ANKH: variants seen among roughly 807,000 people sequenced by gnomAD.
ANKH encodes the protein mineralization regulator ANKH.
A neutral mutation model predicts 49.0 loss-of-function variants in ANKH; 15 were observed. That is an observed-to-expected ratio of 0.31 (90% confidence interval 0.20 to 0.47). The LOEUF (loss-of-function observed/expected upper bound fraction) is 0.47. Among genes scored for constraint, ANKH ranks in the 20% least tolerant of loss-of-function variants. The pLI, the probability that ANKH is intolerant of heterozygous loss-of-function variation, is 1.00. For missense variants in ANKH, 429 were observed against 652.0 expected, an observed-to-expected ratio of 0.66 and a Z score of 3.72; for synonymous variants, 273 against 260.0, an observed-to-expected ratio of 1.05 and a Z score of -0.48.
intron 11 of ANKH, among the ~76,000 whole-genome samples, chr5:14,712,217 C>T (rs953383511): frequency 6.6e-6 from 1 of 152,234 alleles, no homozygotes. Context: ...ATGCACGTCA[C>T]GCACCGTGAG....
intron 8 of ANKH, among the ~76,000 whole-genome samples, chr5:14,723,996 G>A (rs530920213): frequency 3.2e-4 from 49 of 152,258 alleles, no homozygotes; most frequent in African/African-American, 9.4e-4. Flanking sequence ...TGAGCCTAAC[G>A]TTGATGATGA....
intron 8 of ANKH, among the ~76,000 whole-genome samples, chr5:14,728,225 T>C (rs1283809578): frequency 2.0e-5 from 3 of 152,254 alleles, no homozygotes; most frequent in Non-Finnish European, 4.4e-5. Context: ...AGATGCCTTA[T>C]TAGCTGAGGA....
rs775412526 is a variant in ANKH, at chr5:14,712,871, C to T, written c.1365+3G>A. 6.2e-7 allele frequency: 1 copy of T among 1,605,666 alleles called. No individual in the cohort carries two copies. Among genetic ancestry groups the T allele is most frequent in the Non-Finnish European group, 8.5e-7 (1 of 1,176,712 alleles). On this transcript the variant is annotated splice_donor_region_variant and intron_variant, in intron 11 of 11. Coordinates refer to ENST00000284268, the MANE Select transcript of ANKH (RefSeq NM_054027.6). ...GAGGAGGCTCCCGGCGCGGCTGTCT[C>T]ACCTGCTTCCGGTAGACATAGCACG... is the stretch of plus-strand genomic sequence containing the variant.
intron 1 of ANKH, among the ~76,000 whole-genome samples, chr5:14,823,186 C>A (rs1365966193): frequency 6.6e-6 from 1 of 152,168 alleles, no homozygotes; most frequent in Non-Finnish European, 1.5e-5. Context: ...AAAGTGTGAA[C>A]TTCAGTGTTT....
At chr5:14,744,699 C>T (rs536385503) in intron 7 of ANKH, among the ~76,000 whole-genome samples, 1 of 152,340 alleles carries the variant, frequency 6.6e-6, no homozygotes, top group Non-Finnish European at 1.5e-5. Context: ...TCAGAGATGC[C>T]TGGGGGGATG....
intron 1 of ANKH, among the ~76,000 whole-genome samples, chr5:14,834,900 A>G (rs759424756): frequency 6.6e-6 from 1 of 152,238 alleles, no homozygotes; most frequent in Non-Finnish European, 1.5e-5. Flanking sequence ...TTCGTGAATT[A>G]ATAGACTTAT....
chr5:14,806,332 A>G (rs1382009301), intron 1 of ANKH, among the ~76,000 whole-genome samples: 1 of 151,740 alleles, frequency 6.6e-6, no homozygotes, highest in African/African-American at 2.4e-5. Flanking sequence ...AAAAAAAAAA[A>G]ATACCCAATC....
chr5:14,781,298 C>T (rs963173274), intron 1 of ANKH, among the ~76,000 whole-genome samples: 4 of 152,218 alleles, frequency 2.6e-5, no homozygotes, highest in Non-Finnish European at 5.9e-5. Flanking sequence ...GAGCAGCAGT[C>T]AAACGGAACC....
chr5:14,706,257 C>T lies in ANKH; in HGVS notation c.*4940G>A, dbSNP rs1736942962. The T allele has an allele frequency of 6.6e-6, 1 of 152,138 alleles. No individual in the cohort carries two copies. The highest frequency in any genetic ancestry group is 2.4e-5 in the African/African-American group (1 of 41,420). 9.4% of individuals were successfully genotyped at this position (152,138 alleles called of 1,614,324 possible). A position where few individuals can be genotyped will look rare whatever the true frequency, so the allele number is the denominator to read the frequency against. ...TGAATCTATGTGTAGCTGACAGCCACCTATAAAAGTGCATATATCTTATGC... is the reference window on the plus strand; with the variant it reads ...TGAATCTATGTGTAGCTGACAGCCATCTATAAAAGTGCATATATCTTATGC... On this transcript the variant is annotated 3_prime_UTR_variant, in exon 12 of 12. Transcript: ENST00000284268.
At chr5:14,836,267 G>A (rs1741649883) in intron 1 of ANKH, among the ~76,000 whole-genome samples, 1 of 152,166 alleles carries the variant, frequency 6.6e-6, no homozygotes, top group Non-Finnish European at 1.5e-5. Context: ...GTTCTGGCCA[G>A]AGCAATCAGG....
At chr5:14,729,685 G>A (rs973682437) in intron 8 of ANKH, among the ~76,000 whole-genome samples, 4 of 152,006 alleles carry the variant, frequency 2.6e-5, no homozygotes, top group African/African-American at 4.8e-5. Context: ...TACTGAAACC[G>A]TCTGTGACCT....
intron 1 of ANKH, among the ~76,000 whole-genome samples, chr5:14,803,851 T>C (rs1740630330): frequency 6.6e-6 from 1 of 152,194 alleles, no homozygotes; most frequent in African/African-American, 2.4e-5. Context: ...CTTTATCATT[T>C]GGTCCTGTGA....
chr5:14,736,313 G>T (rs893213737), intron 8 of ANKH, among the ~76,000 whole-genome samples: 5 of 152,180 alleles, frequency 3.3e-5, no homozygotes, highest in African/African-American at 1.2e-4. Context: ...ATGTGGGTGT[G>T]TGGGGCCAGC....
At chr5:14,866,929 G>C (rs1443504588) in intron 1 of ANKH, among the ~76,000 whole-genome samples, 1 of 152,114 alleles carries the variant, frequency 6.6e-6, no homozygotes, top group East Asian at 1.9e-4. Context: ...GGCCAAGGTA[G>C]GTGGATCACG....
intron 1 of ANKH, among the ~76,000 whole-genome samples, chr5:14,791,183 C>T (rs923631293): frequency 6.6e-6 from 1 of 152,098 alleles, no homozygotes; most frequent in African/African-American, 2.4e-5. Flanking sequence ...TCTGAGTTTC[C>T]CCCTACCAGC....
chr5:14,785,739 A>G (rs1002437254), intron 1 of ANKH, among the ~76,000 whole-genome samples: 6 of 152,212 alleles, frequency 3.9e-5, no homozygotes, highest in African/African-American at 1.4e-4. Context: ...AAAACTCCTT[A>G]GTATATGTTT....
chr5:14,720,740 C>T (rs1737632414), intron 8 of ANKH, among the ~76,000 whole-genome samples: 1 of 152,182 alleles, frequency 6.6e-6, no homozygotes, highest in Non-Finnish European at 1.5e-5. Context: ...CTTAAGCTTC[C>T]AGGGAACCAT....
chr5:14,798,181 C>T (rs1395349681), intron 1 of ANKH: 31 of 1,579,058 alleles, frequency 2.0e-5, no homozygotes, highest in Non-Finnish European at 2.4e-5. Context: ...TTTTGTTCAT[C>T]CGATGTGTGT....
At chr5:14,849,887 A>C (rs1198710467) in intron 1 of ANKH, among the ~76,000 whole-genome samples, 1 of 152,074 alleles carries the variant, frequency 6.6e-6, no homozygotes, top group African/African-American at 2.4e-5. Flanking sequence ...GGGGGTGTGA[A>C]CTAGGGTGGT....
Sources: allele counts gnomAD v4.1 joint callset (sites outside exome capture counted in the v4.1 genomes callset), GRCh38; gene constraint gnomAD v4.1.1; transcripts MANE v1.5; gene names NCBI Gene and HGNC (gene_info 2026-07-23, HGNC 2026-07-21).